DNAH8: variants seen among roughly 807,000 people sequenced by gnomAD.
DNAH8 encodes axonemal beta dynein heavy chain 8.
In DNAH8, 382 loss-of-function variants were observed where a neutral mutation model predicts 562.1. The observed-to-expected ratio is 0.68, with a 90% CI of 0.63 to 0.74. DNAH8 has a LOEUF of 0.74. DNAH8 is among the 30% of genes least tolerant of loss of function. The pLI is 0.00. For synonymous variants in DNAH8, 1,881 were observed against 1,919.4 expected (o/e 0.98, Z 0.52); for missense variants, 5,203 against 5,620.4 (o/e 0.93, Z 2.37).
chr6:38,883,065 G>A lies in DNAH8; in HGVS notation c.8001+13G>A, dbSNP rs1330977945. 6 of 1,571,402 alleles carry A rather than the reference G, an allele frequency of 3.8e-6. No homozygotes were observed. The Admixed American group carries it at 7.7e-5, about 20-fold the overall frequency. On this transcript the variant is annotated intron_variant, in intron 54 of 92. Coordinates refer to ENST00000327475, the MANE Select transcript of DNAH8 (RefSeq NM_001206927.2). ...AAAACAACATAAAGTAAGTTTAATAGATAGTTCCTTAAATGATCACAAACC... is the reference window on the plus strand; with the variant it reads ...AAAACAACATAAAGTAAGTTTAATAAATAGTTCCTTAAATGATCACAAACC...
intron 14 of DNAH8, 38 bp downstream of exon 14, chr6:38,778,502 G>T: frequency 5.0e-6 from 6 of 1,203,294 alleles, no homozygotes; most frequent in Non-Finnish European, 7.2e-6. Context: ...TTTCTGGGGG[G>T]AATAACTTTA....
chr6:38,935,307 C>T (rs1051766915), intron 76 of DNAH8, among the ~76,000 whole-genome samples: 1 of 152,106 alleles, frequency 6.6e-6, no homozygotes. Flanking sequence ...TTAAAGCTGG[C>T]AAGAGAGCTT....
intron 47 of DNAH8, among the ~76,000 whole-genome samples, chr6:38,867,588 CAA>C (rs70981596): frequency 8.4e-5 from 11 of 130,666 alleles, no homozygotes; most frequent in African/African-American, 1.1e-4. Context: ...ACTAAAAATA[CAA>C]AAAAAAAAAA....
intron 83 of DNAH8, chr6:38,972,052 C>T (rs970580509): frequency 1.0e-4 from 16 of 157,968 alleles, no homozygotes; most frequent in East Asian, 1.8e-4. Flanking sequence ...TTTTCATTAA[C>T]GGATCATTTC....
rs113343908 is a variant in DNAH8, at chr6:38,833,989, G to T, written c.4303-590G>T. ...ATTCATTTATTCCTTTGCTTATTTT[G>T]GGGAGTGTTTTTGAGGATTATTTTG... On this transcript the variant is annotated intron_variant, in intron 31 of 92. Transcript: ENST00000327475. Among the ~76,000 whole-genome samples the T allele has an allele frequency of 3.7e-3, 565 of 152,034 alleles. 2 individuals carry two copies. Among genetic ancestry groups the T allele is most frequent in the Middle Eastern group, 0.014 (4 of 294 alleles).
intron 81 of DNAH8, among the ~76,000 whole-genome samples, chr6:38,950,443 C>CT (rs34121756): frequency 7.3e-4 from 103 of 140,448 alleles, no homozygotes; most frequent in East Asian, 8.1e-4. Flanking sequence ...TATGAAAAGG[C>CT]TTTTTTTTTT....
At chr6:38,741,456 C>T (rs933349654) in intron 7 of DNAH8, among the ~76,000 whole-genome samples, 6 of 134,990 alleles carry the variant, frequency 4.4e-5, no homozygotes, top group Admixed American at 2.9e-4. Context: ...CTACCTCCCC[C>T]CCGACCAAAA....
In DNAH8 at chr6:38,734,756, A is replaced by G; in HGVS notation, c.762+131A>G. ...GAGTTCCAAGAAAATAAATGTATTCATATATTAAAAAAAACTGAGAAATTG... is the reference window on the plus strand; with the variant it reads ...GAGTTCCAAGAAAATAAATGTATTCGTATATTAAAAAAAACTGAGAAATTG... On this transcript the variant is annotated intron_variant, in intron 5 of 92. Coordinates refer to ENST00000327475, the MANE Select transcript of DNAH8 (RefSeq NM_001206927.2). The G allele has an allele frequency of 4.0e-6, 4 of 1,004,774 alleles. No homozygotes were observed. The East Asian group carries it at 8.2e-5, about 21-fold the overall frequency. 62.2% of individuals were successfully genotyped at this position (1,004,774 alleles called of 1,614,324 possible).
At position 38,873,125 on chromosome 6, in the gene DNAH8, T is replaced by C. The variant is rs1777598561; in HGVS notation, c.7457T>C (p.Leu2486Pro). ...ATGGTCTATATCAGCAGCTCTGCTCTCAGCTGGAGGCCAATCTTACAGGTG... is the reference window on the plus strand; with the variant it reads ...ATGGTCTATATCAGCAGCTCTGCTCCCAGCTGGAGGCCAATCTTACAGGTG... Reference protein sequence around the residue: ...MGMVYISSSALSWRPILQAWL... With the variant: ...MGMVYISSSAPSWRPILQAWL... Residue 2486 changes from leucine (L) to proline (P), a missense_variant, in exon 51 of 93, where the codon CTC (leucine) becomes CCC (proline). By Grantham distance (98) the Leu-to-Pro change is moderately conservative. Around this residue, in one of 6 missense-constraint regions of DNAH8, gnomAD observed 977 missense variants for 1,061.8 expected, o/e 0.92. Transcript: ENST00000327475. The C allele has an allele frequency of 6.2e-7, 1 of 1,613,632 alleles. No individual in the cohort carries two copies. Among genetic ancestry groups the C allele is most frequent in the Non-Finnish European group, 8.5e-7 (1 of 1,179,968 alleles).
intron 82 of DNAH8, among the ~76,000 whole-genome samples, chr6:38,954,048 A>G (rs1762090356): frequency 6.6e-6 from 1 of 152,190 alleles, no homozygotes; most frequent in African/African-American, 2.4e-5. Flanking sequence ...GACAGAATCA[A>G]TAAGTTTTTG....
intron 88 of DNAH8, among the ~76,000 whole-genome samples, chr6:39,003,613 T>C (rs913249253): frequency 6.6e-6 from 1 of 152,156 alleles, no homozygotes; most frequent in Non-Finnish European, 1.5e-5. Context: ...AATTAGATCA[T>C]ACCATAACTG....
chr6:38,951,190 C>T (rs1761877684), intron 81 of DNAH8, 128 bp from the exon 82 acceptor site: 1 of 786,114 alleles, frequency 1.3e-6, no homozygotes, highest in South Asian at 1.7e-5. Context: ...ATTCCTCTTA[C>T]TTAGATGTGG....
chr6:38,811,908 A>T (rs72851533), intron 24 of DNAH8, among the ~76,000 whole-genome samples: 19,233 of 152,148 alleles, frequency 0.13, 1,458 homozygotes, highest in Admixed American at 0.22. Flanking sequence ...CTGGAGAGAT[A>T]CTGGGGGTAT....
At chr6:39,029,892 A>C (rs575178112) in intron 92 of DNAH8, among the ~76,000 whole-genome samples, 37 of 152,212 alleles carry the variant, frequency 2.4e-4, no homozygotes, top group Non-Finnish European at 5.0e-4. Context: ...ACAAACACGA[A>C]CATCTCTACA....
In DNAH8 at chr6:39,026,575, A is replaced by G. The variant is rs1369490256; in HGVS notation, c.13744A>G (p.Thr4582Ala). 6.2e-7 allele frequency: 1 copy of G among 1,612,892 alleles called. No homozygotes were observed. The highest frequency in any genetic ancestry group is 2.2e-5 in the East Asian group (1 of 44,868). ...GFLTAMRQEV[T>A]RAHKGWALDT... ...CCTCACAGCAATGAGGCAAGAAGTG[A>G]CCCGTGCCCACAAAGGCTGGGCACT... The change falls in exon 92 of 93, where the codon ACC (threonine) becomes GCC (alanine). Residue 4582 changes from threonine (T) to alanine (A), a missense_variant. By Grantham distance (58) the Thr-to-Ala change is moderately conservative. This residue lies in a region of DNAH8 where 1,399 missense variants were observed against 1,518.4 expected (regional missense o/e 0.92). Coordinates refer to ENST00000327475, the MANE Select transcript of DNAH8 (RefSeq NM_001206927.2).
rs1781445441 is a variant in DNAH8 at position 38,918,052 on chromosome 6, A to C, written c.10436A>C (p.Lys3479Thr). 1.2e-6 allele frequency: 2 copies of C among 1,613,870 alleles called. No individual in the cohort carries two copies. The highest frequency in any genetic ancestry group is 1.3e-5 in the African/African-American group (1 of 75,020). The change falls in exon 70 of 93, where the codon AAA (lysine) becomes ACA (threonine). Residue 3479 changes from lysine to threonine, a missense_variant. Coordinates refer to ENST00000327475, the MANE Select transcript of DNAH8 (RefSeq NM_001206927.2). ...MDDYTFESAK[K>T]VCGNVAGLLS... ...GATTATACTTTTGAAAGTGCCAAAA[A>C]AGTCTGTGGGAATGTGGCTGGTCTC... is the stretch of plus-strand genomic sequence containing the variant.
At chr6:38,745,412 CTA>C (rs1764845122) in intron 8 of DNAH8, among the ~76,000 whole-genome samples, 1 of 152,280 alleles carries the variant, frequency 6.6e-6, no homozygotes, top group Middle Eastern at 3.4e-3. Context: ...AAACTTTTTC[CTA>C]GTCTGTGGCT....
chr6:38,829,320 A>T (rs973921541), intron 30 of DNAH8, among the ~76,000 whole-genome samples: 2 of 152,080 alleles, frequency 1.3e-5, no homozygotes, highest in East Asian at 3.8e-4. Context: ...TTTGATGCAC[A>T]AAGTTTTTTA....
chr6:38,790,919 A>G (rs1769682729), intron 20 of DNAH8, among the ~76,000 whole-genome samples: 1 of 152,030 alleles, frequency 6.6e-6, no homozygotes. Flanking sequence ...ATTACCTTGC[A>G]TTTAATATGT....
Sources: gnomAD v4.1 joint callset for allele counts (sites outside exome capture counted in the v4.1 genomes callset) on GRCh38, gnomAD v4.1.1 for gene constraint, gnomAD v4.1.1 regional missense constraint, MANE v1.5 for transcripts, NCBI Gene and HGNC (gene_info 2026-07-23, HGNC 2026-07-21) for gene names.